Variants in ABLIM1 observed in about 807,000 individuals in gnomAD.
ABLIM1 encodes the protein actin-binding LIM protein 1.
A neutral mutation model predicts 107.0 loss-of-function variants in ABLIM1; 40 were observed. That is an observed-to-expected ratio of 0.37 (90% confidence interval 0.29 to 0.49). The LOEUF is 0.49. ABLIM1 is among the 20% of genes least tolerant of loss of function. The probability of loss-of-function intolerance (pLI) is 0.97; values close to 1 mark genes in which losing one functional copy is unlikely to be tolerated. For missense variants in ABLIM1, 857 were observed against 1,008.5 expected, an observed-to-expected ratio of 0.85 and a Z score of 2.04; for synonymous variants, 357 against 357.3, an observed-to-expected ratio of 1.00 and a Z score of 0.01.
At chr10:114,516,738 T>C (rs926873617) in intron 6 of ABLIM1, among the ~76,000 whole-genome samples, 1 of 152,230 alleles carries the variant, frequency 6.6e-6, no homozygotes, top group South Asian at 2.1e-4. Flanking sequence ...CCTTGGAAAC[T>C]CTTTGAAACA....
chr10:114,658,919 CAA>C (rs2079655815), upstream of ABLIM1, among the ~76,000 whole-genome samples: 1 of 152,132 alleles, frequency 6.6e-6, no homozygotes, highest in Non-Finnish European at 1.5e-5. Flanking sequence ...CAGCTTTACA[CAA>C]AGTTACAAGC....
At chr10:114,636,106 G>A (rs2078466063) in intron 1 of ABLIM1, among the ~76,000 whole-genome samples, 1 of 152,186 alleles carries the variant, frequency 6.6e-6, no homozygotes, top group African/African-American at 2.4e-5. Context: ...GACAGGAGTA[G>A]GCACGGGGTG....
intron 8 of ABLIM1, among the ~76,000 whole-genome samples, chr10:114,475,980 A>C (rs2056329246): frequency 6.6e-6 from 1 of 152,252 alleles, no homozygotes; most frequent in African/African-American, 2.4e-5. Flanking sequence ...GGCACCACTG[A>C]GCCAAAGAAA....
intron 1 of ABLIM1, among the ~76,000 whole-genome samples, chr10:114,605,858 C>T (rs1280449980): frequency 6.6e-6 from 1 of 152,148 alleles, no homozygotes; most frequent in Admixed American, 6.5e-5. Flanking sequence ...TCAAGCAAAG[C>T]AGATCAGCCA....
intron 6 of ABLIM1, among the ~76,000 whole-genome samples, chr10:114,502,578 C>A (rs1012327757): frequency 1.4e-4 from 21 of 152,016 alleles, no homozygotes; most frequent in Non-Finnish European, 2.6e-4. Flanking sequence ...CTCACTGCAA[C>A]CTCCTCCTCC....
chr10:114,739,242 T>C (rs2082241523), intron 1 of ABLIM1, among the ~76,000 whole-genome samples: 1 of 152,204 alleles, frequency 6.6e-6, no homozygotes, highest in Non-Finnish European at 1.5e-5. Flanking sequence ...AACATGAAAA[T>C]GTAAATGTCA....
At chr10:114,567,913 G>A (rs927588925) in intron 4 of ABLIM1, among the ~76,000 whole-genome samples, 14 of 152,194 alleles carry the variant, frequency 9.2e-5, no homozygotes, top group African/African-American at 2.6e-4. Flanking sequence ...ACTTTCGGCC[G>A]GGCGCGGTGG....
intron 14 of ABLIM1, chr10:114,450,040 C>A: frequency 6.1e-6 from 2 of 329,246 alleles, no homozygotes; most frequent in Non-Finnish European, 1.2e-5. Flanking sequence ...GAGAGGAGGA[C>A]CTAAAGATAG....
chr10:114,439,330 C>T (rs1215909693), intron 20 of ABLIM1, 80 bp from the exon 21 acceptor site: 2 of 1,405,532 alleles, frequency 1.4e-6, no homozygotes, highest in African/African-American at 2.8e-5. Context: ...CTCCCAATTC[C>T]CTGTTGGGTC....
chr10:114,639,703 T>C (rs1225506204), intron 1 of ABLIM1, among the ~76,000 whole-genome samples: 3 of 152,394 alleles, frequency 2.0e-5, no homozygotes, highest in Admixed American at 1.3e-4. Flanking sequence ...TTTGGTTTAA[T>C]GCTTTGCTAT....
At chr10:114,660,975 G>A (rs183139028), upstream of ABLIM1, among the ~76,000 whole-genome samples, 2 of 152,216 alleles carry the variant, frequency 1.3e-5, no homozygotes, top group East Asian at 3.9e-4. Context: ...TATTTCCACT[G>A]CATTAACTCT....
intron 8 of ABLIM1, among the ~76,000 whole-genome samples, chr10:114,487,093 G>A (rs764528267): frequency 2.0e-5 from 3 of 152,188 alleles, no homozygotes; most frequent in East Asian, 3.9e-4. Context: ...TAAACTGGTC[G>A]TGCTGCTGCT....
intron 1 of ABLIM1, among the ~76,000 whole-genome samples, chr10:114,730,208 G>A (rs770761353): frequency 5.3e-5 from 8 of 151,984 alleles, no homozygotes; most frequent in Non-Finnish European, 8.8e-5. Flanking sequence ...GACCAGCCTG[G>A]GAAACATGGT....
intron 8 of ABLIM1, among the ~76,000 whole-genome samples, chr10:114,478,698 T>C (rs1176446065): frequency 6.6e-6 from 1 of 152,234 alleles, no homozygotes; most frequent in Non-Finnish European, 1.5e-5. Context: ...CTCTTTTCTT[T>C]ATAAATTACC....
chr10:114,656,269 C>CAAAAAAA (rs71007486), intron 1 of ABLIM1, among the ~76,000 whole-genome samples: 4 of 63,570 alleles, frequency 6.3e-5, no homozygotes, highest in African/African-American at 2.1e-4. Context: ...AACTCCGTCT[C>CAAAAAAA]AAAAAAAAAA....
At chr10:114,561,863 A>G (rs2069755721) in intron 4 of ABLIM1, among the ~76,000 whole-genome samples, 1 of 152,198 alleles carries the variant, frequency 6.6e-6, no homozygotes, top group Non-Finnish European at 1.5e-5. Flanking sequence ...CCCATTCCCT[A>G]TAAAGCAGGA....
upstream of ABLIM1, among the ~76,000 whole-genome samples, chr10:114,662,529 A>G (rs2079838807): frequency 6.6e-6 from 1 of 152,154 alleles, no homozygotes; most frequent in Non-Finnish European, 1.5e-5. Flanking sequence ...CAATGTTTAA[A>G]GGGTCTTACC....
At chr10:114,565,435 A>G (rs1225689762) in intron 4 of ABLIM1, among the ~76,000 whole-genome samples, 1 of 152,250 alleles carries the variant, frequency 6.6e-6, no homozygotes, top group African/African-American at 2.4e-5. Context: ...TTATTGTTTT[A>G]TAAGTACATA....
intron 12 of ABLIM1, among the ~76,000 whole-genome samples, chr10:114,456,468 T>A (rs1209389937): frequency 6.6e-6 from 1 of 152,126 alleles, no homozygotes; most frequent in East Asian, 1.9e-4. Flanking sequence ...GTATAATGGG[T>A]CTCAACTTTT....
Sources: gnomAD v4.1 joint callset for allele counts (sites outside exome capture counted in the v4.1 genomes callset) on GRCh38, gnomAD v4.1.1 for gene constraint, MANE v1.5 for transcripts, NCBI Gene and HGNC (gene_info 2026-07-23, HGNC 2026-07-21) for gene names.